Variants in GRIN2B observed in about 807,000 individuals in gnomAD.
The protein encoded by GRIN2B is glutamate receptor ionotropic, NMDA 2B.
In GRIN2B, 5 loss-of-function variants were observed where a neutral mutation model predicts 114.5. The observed-to-expected ratio is 0.04, with a 90% CI of 0.02 to 0.09. The LOEUF is 0.09. Ranked by LOEUF, GRIN2B falls within the 10% of genes least tolerant of loss-of-function variation. The pLI is 1.00. For synonymous variants in GRIN2B, 787 were observed against 745.1 expected, an observed-to-expected ratio of 1.06 and a Z score of -0.92; for missense variants, 1,108 against 1,943.5, an observed-to-expected ratio of 0.57 and a Z score of 8.08.
At position 13,559,301 on chromosome 12, in the gene GRIN2B, A is replaced by G. The variant is rs980647430; in HGVS notation, c.*3482T>C. On this transcript the variant is annotated 3_prime_UTR_variant, in exon 14 of 14. Coordinates refer to ENST00000609686, the MANE Select transcript of GRIN2B (RefSeq NM_000834.5). The stretch of plus-strand genomic sequence containing the variant: ...TAAGTTTAGAAAAATAAAATTGTCC[A>G]GCTAACAGCTTTTATGATGGGAGGA... 1.3e-5 allele frequency: 2 copies of G among 152,250 alleles called. No individual in the cohort carries two copies. Among genetic ancestry groups the G allele is most frequent in the African/African-American group, 4.8e-5 (2 of 41,466 alleles). 9.4% of individuals were successfully genotyped at this position (152,250 alleles called of 1,614,324 possible). A position where few individuals can be genotyped will look rare whatever the true frequency, so the allele number is the denominator to read the frequency against.
intron 5 of GRIN2B, among the ~76,000 whole-genome samples, chr12:13,650,393 T>C (rs1591658820): frequency 6.6e-6 from 1 of 152,116 alleles, no homozygotes; most frequent in South Asian, 2.1e-4. Context: ...GTCTGCCCTG[T>C]CCCCATAGTA....
At chr12:13,824,519 G>A (rs979904196) in intron 3 of GRIN2B, among the ~76,000 whole-genome samples, 1 of 151,884 alleles carries the variant, frequency 6.6e-6, no homozygotes, top group Admixed American at 6.6e-5. Context: ...CCTCAGTTCT[G>A]AGCCAGTCTT....
At chr12:13,675,886 T>A in intron 4 of GRIN2B, 27 bp from the exon 5 acceptor site, 2 of 1,298,104 alleles carry the variant, frequency 1.5e-6, no homozygotes, top group Non-Finnish European at 2.2e-6. Context: ...AAAGGAAGAT[T>A]AAAAGTATGA....
intron 3 of GRIN2B, among the ~76,000 whole-genome samples, chr12:13,801,690 A>G (rs1864517117): frequency 6.6e-6 from 1 of 152,184 alleles, no homozygotes; most frequent in African/African-American, 2.4e-5. Context: ...GTCACTCAGG[A>G]AAAATCTTGA....
At chr12:13,818,703 T>C (rs1432349552) in intron 3 of GRIN2B, among the ~76,000 whole-genome samples, 1 of 152,176 alleles carries the variant, frequency 6.6e-6, no homozygotes, top group African/African-American at 2.4e-5. Flanking sequence ...TCTCTTAAGA[T>C]TACTAGCCCT....
At chr12:13,901,852 A>G (rs1049991643) in intron 2 of GRIN2B, among the ~76,000 whole-genome samples, 9 of 152,118 alleles carry the variant, frequency 5.9e-5, no homozygotes, top group Admixed American at 4.6e-4. Flanking sequence ...TCTGTATTTT[A>G]CCTTTCACAT....
chr12:13,976,740 T>G (rs925483935), intron 2 of GRIN2B, among the ~76,000 whole-genome samples: 1 of 152,166 alleles, frequency 6.6e-6, no homozygotes, highest in South Asian at 2.1e-4. Context: ...GTAGTATATA[T>G]GTCACCTTTG....
At chr12:13,976,210 C>G (rs1241242889) in intron 2 of GRIN2B, among the ~76,000 whole-genome samples, 2 of 152,206 alleles carry the variant, frequency 1.3e-5, no homozygotes, top group Non-Finnish European at 2.9e-5. Context: ...ATCTACTCTC[C>G]CTGGAGACTT....
chr12:13,729,249 G>T (rs1863042427), intron 4 of GRIN2B, among the ~76,000 whole-genome samples: 1 of 152,038 alleles, frequency 6.6e-6, no homozygotes, highest in South Asian at 2.1e-4. Flanking sequence ...ATGTAGATAA[G>T]TCCTTGTGTA....
chr12:13,804,098 C>A (rs968491296), intron 3 of GRIN2B, among the ~76,000 whole-genome samples: 1 of 152,000 alleles, frequency 6.6e-6, no homozygotes, highest in Non-Finnish European at 1.5e-5. Flanking sequence ...CAAGTATAAA[C>A]CTGCCAACTT....
In GRIN2B at chr12:13,615,217, C is replaced by T; in HGVS notation, c.1551G>A (p.Glu517=). 6.2e-7 allele frequency: 1 copy of T among 1,613,718 alleles called. No homozygotes were observed. Among genetic ancestry groups the T allele is most frequent in the East Asian group, 2.2e-5 (1 of 44,874 alleles). ...YMAVGSLTIN[E]ERSEVVDFSV... ...AGAAGTCGACCACCTCCGATCGTTC[C>T]TCATTGATGGTGAGTGAGCCCACTG... The change falls in exon 8 of 14, where the codon GAG becomes GAA. Residue 517 remains glutamate (E), a synonymous_variant. Coordinates refer to ENST00000609686, the MANE Select transcript of GRIN2B (RefSeq NM_000834.5). This position sits in a 1 kb window ranked among gnomAD's most constrained non-coding sequence, Gnocchi z 5.8.
rs754144273 is a variant in GRIN2B, at chr12:13,865,769, A to T, written c.411+29T>A. 8.3e-6 allele frequency: 13 copies of T among 1,567,864 alleles called. No individual in the cohort carries two copies. The Admixed American group carries it at 2.2e-4, about 26-fold the overall frequency. ...GGTTTAGTCCTCAGCACAAACCCTC[A>T]GGCCCTTCTCCCTGCAGCCCCTTTT... On this transcript the variant is annotated intron_variant, in intron 3 of 13. Coordinates refer to ENST00000609686, the MANE Select transcript of GRIN2B (RefSeq NM_000834.5).
intron 3 of GRIN2B, among the ~76,000 whole-genome samples, chr12:13,759,666 C>A (rs1015674201): frequency 2.0e-5 from 3 of 152,212 alleles, no homozygotes; most frequent in African/African-American, 7.2e-5. Flanking sequence ...ATTTGATGTT[C>A]TTCATCCAAT....
At chr12:13,914,077 G>A (rs1471443942) in intron 2 of GRIN2B, among the ~76,000 whole-genome samples, 2 of 152,108 alleles carry the variant, frequency 1.3e-5, no homozygotes, top group Admixed American at 1.3e-4. Flanking sequence ...ATTTACTTCA[G>A]CATCAGCTTT....
At chr12:13,687,345 C>A (rs1469388327) in intron 4 of GRIN2B, among the ~76,000 whole-genome samples, 2 of 152,024 alleles carry the variant, frequency 1.3e-5, no homozygotes. Flanking sequence ...AGGATAATAT[C>A]TTGGTTCTCC....
At chr12:13,710,740 T>C (rs1208486795) in intron 4 of GRIN2B, among the ~76,000 whole-genome samples, 2 of 152,134 alleles carry the variant, frequency 1.3e-5, no homozygotes, top group African/African-American at 4.8e-5. Context: ...TACAAACAAA[T>C]GGAAGAACAT....
At chr12:13,899,370 T>C (rs1176443954) in intron 2 of GRIN2B, among the ~76,000 whole-genome samples, 1 of 151,994 alleles carries the variant, frequency 6.6e-6, no homozygotes, top group Non-Finnish European at 1.5e-5. Context: ...CAAGACACTA[T>C]GATCTGGCAA....
At chr12:13,853,980 G>A (rs762881035) in intron 3 of GRIN2B, among the ~76,000 whole-genome samples, 2 of 152,106 alleles carry the variant, frequency 1.3e-5, no homozygotes, top group South Asian at 2.1e-4. Context: ...CTAGCAGGAC[G>A]GAGAACTAAA....
chr12:13,907,561 C>T (rs1282985313), intron 2 of GRIN2B, among the ~76,000 whole-genome samples: 4 of 151,430 alleles, frequency 2.6e-5, no homozygotes, highest in Non-Finnish European at 4.4e-5. Flanking sequence ...TTATCACGTT[C>T]AAGAACAGGC....
Sources: gnomAD v4.1 joint callset for allele counts (sites outside exome capture counted in the v4.1 genomes callset) on GRCh38, gnomAD v4.1.1 for gene constraint, Gnocchi (gnomAD v3.1) non-coding constraint, MANE v1.5 for transcripts, NCBI Gene and HGNC (gene_info 2026-07-23, HGNC 2026-07-21) for gene names.